Variants in PNPLA1 observed in about 807,000 individuals in gnomAD.
The protein encoded by PNPLA1 is omega-hydroxyceramide transacylase.
Under a neutral mutation model 51.7 loss-of-function variants are expected in PNPLA1, and 36 were observed. That is an observed-to-expected ratio of 0.70 (90% CI 0.53 to 0.92). The LOEUF (loss-of-function observed/expected upper bound fraction) is 0.92, where lower values mean the gene tolerates loss of function less well. Among genes scored for constraint, PNPLA1 ranks in the 40% least tolerant of loss-of-function variants. PNPLA1 has a pLI of 0.00. For missense variants in PNPLA1, 658 were observed against 682.5 expected, an observed-to-expected ratio of 0.96 and a Z score of 0.40; for synonymous variants, 293 against 280.1, an observed-to-expected ratio of 1.05 and a Z score of -0.46.
chr6:36,259,448 G>A (rs375238831), intron 1 of PNPLA1, among the ~76,000 whole-genome samples: 2 of 152,176 alleles, frequency 1.3e-5, no homozygotes, highest in East Asian at 3.9e-4. Flanking sequence ...AGACTATTTT[G>A]AAAAAGAAAG....
intron 1 of PNPLA1, among the ~76,000 whole-genome samples, chr6:36,250,036 A>C (rs1263761911): frequency 6.6e-6 from 1 of 152,198 alleles, no homozygotes; most frequent in Non-Finnish European, 1.5e-5. Flanking sequence ...TTTATTAAGC[A>C]CATACTCCTC....
intron 8 of PNPLA1, among the ~76,000 whole-genome samples, chr6:36,310,725 T>C (rs1561876206): frequency 6.6e-6 from 1 of 152,220 alleles, no homozygotes; most frequent in Non-Finnish European, 1.5e-5. Flanking sequence ...AACTTAGTGA[T>C]ACAGCCTACG....
intron 8 of PNPLA1, among the ~76,000 whole-genome samples, chr6:36,309,183 A>G (rs1008528362): frequency 1.3e-5 from 2 of 152,144 alleles, no homozygotes; most frequent in Non-Finnish European, 2.9e-5. Flanking sequence ...GGGAAGCAGT[A>G]TGGTAGCGGA....
intron 6 of PNPLA1, among the ~76,000 whole-genome samples, chr6:36,305,377 C>A (rs376177420): frequency 2.0e-5 from 3 of 152,002 alleles, no homozygotes; most frequent in African/African-American, 7.3e-5. Flanking sequence ...TTGTTAAAAG[C>A]CCTAGGAATA....
Position 36,306,429 on chromosome 6 carries a change from C to G in PNPLA1, c.1469+53C>G, listed in dbSNP as rs140803733. 121 of 1,491,678 alleles carry G rather than the reference C, an allele frequency of 8.1e-5. No homozygotes were observed. The African/African-American group carries it at 1.5e-3, about 19-fold the overall frequency. The allele number at this position is 1,491,678 out of a possible 1,614,324, so 92.4% of individuals were successfully genotyped here. On this transcript the variant is annotated intron_variant, in intron 7 of 8. Coordinates refer to ENST00000636260, the MANE Select transcript of PNPLA1 (RefSeq NM_001374623.1). ...CTTTCCTTTGGACGGAAGAAGCAAG[C>G]CCGGCTAAGCGATATCTTCCACCAC...
chr6:36,291,844 T>C (rs1770695159), intron 2 of PNPLA1, among the ~76,000 whole-genome samples: 1 of 152,158 alleles, frequency 6.6e-6, no homozygotes, highest in Non-Finnish European at 1.5e-5. Context: ...AGGTGTGACT[T>C]GCAGAGGGCC....
intron 1 of PNPLA1, 145 bp downstream of exon 1, chr6:36,270,809 G>T: frequency 1.0e-6 from 1 of 985,764 alleles, no homozygotes; most frequent in Non-Finnish European, 1.5e-6. Context: ...GTTGGAGTAG[G>T]ATAGCGGCAG....
intron 1 of PNPLA1, among the ~76,000 whole-genome samples, chr6:36,258,556 G>A (rs1769580467): frequency 6.6e-6 from 1 of 152,146 alleles, no homozygotes; most frequent in Non-Finnish European, 1.5e-5. Flanking sequence ...TCCTATGGGA[G>A]GTACTCAGCC....
Position 36,313,498 on chromosome 6 carries a change from G to C in PNPLA1, c.*1612G>C, listed in dbSNP as rs909583373. On this transcript the variant is annotated 3_prime_UTR_variant, in exon 9 of 9. Transcript: ENST00000636260. ...CCATATGCAAATTTAAGCCTGGTGGGGCTGGGGATTTAGAGGGTTGGGGCT... is the reference window on the plus strand; with the variant it reads ...CCATATGCAAATTTAAGCCTGGTGGCGCTGGGGATTTAGAGGGTTGGGGCT... Among the ~76,000 whole-genome samples the C allele has an allele frequency of 2.6e-5, 4 of 152,164 alleles. No homozygotes were observed. The highest frequency in any genetic ancestry group is 9.7e-5 in the African/African-American group (4 of 41,426).
intron 8 of PNPLA1, 48 bp downstream of exon 8, chr6:36,307,760 G>A: frequency 6.2e-7 from 1 of 1,607,266 alleles, no homozygotes; most frequent in Non-Finnish European, 8.5e-7. Flanking sequence ...GAGCAGCTTT[G>A]GGAACTGTGT....
intron 1 of PNPLA1, among the ~76,000 whole-genome samples, chr6:36,260,598 T>C (rs906646252): frequency 2.4e-4 from 37 of 152,188 alleles, no homozygotes; most frequent in Admixed American, 2.1e-3. Context: ...CAGTCTCTTG[T>C]GTCTCATTCA....
At chr6:36,303,079 A>G (rs1771117756) in intron 6 of PNPLA1, among the ~76,000 whole-genome samples, 1 of 152,126 alleles carries the variant, frequency 6.6e-6, no homozygotes, top group Non-Finnish European at 1.5e-5. Context: ...CAAAATTACT[A>G]GTTTGTTATA....
chr6:36,272,350 G>T (rs1275499212), intron 1 of PNPLA1, among the ~76,000 whole-genome samples: 6 of 152,264 alleles, frequency 3.9e-5, no homozygotes, highest in Middle Eastern at 6.8e-3. Flanking sequence ...CCACTGATCT[G>T]ACAGGACGCG....
intron 1 of PNPLA1, among the ~76,000 whole-genome samples, chr6:36,284,555 TCATCCATCCATCCATCCATC>T (rs66750925): frequency 2.4e-4 from 36 of 148,424 alleles, no homozygotes; most frequent in African/African-American, 8.0e-4. Flanking sequence ...ATCCATCCAC[TCATCCATCCATCCATCCATC>T]CATCCATCCA....
At chr6:36,258,252 T>G (rs1769572185) in intron 1 of PNPLA1, among the ~76,000 whole-genome samples, 1 of 152,198 alleles carries the variant, frequency 6.6e-6, no homozygotes, top group Non-Finnish European at 1.5e-5. Flanking sequence ...ATTTATGGCT[T>G]CTTCTCCTTT....
At chr6:36,297,133 A>T (rs1459515676) in intron 5 of PNPLA1, among the ~76,000 whole-genome samples, 4 of 152,180 alleles carry the variant, frequency 2.6e-5, no homozygotes. Flanking sequence ...GAGCCAGTAT[A>T]TGGATGGGGG....
At chr6:36,266,672 C>T (rs768081078), upstream of PNPLA1, among the ~76,000 whole-genome samples, 4 of 152,134 alleles carry the variant, frequency 2.6e-5, no homozygotes, top group East Asian at 1.9e-4. Context: ...GTAAGTGGGC[C>T]GCAGATGGCT....
At chr6:36,301,526 C>A (rs759783858) in intron 5 of PNPLA1, among the ~76,000 whole-genome samples, 14 of 152,112 alleles carry the variant, frequency 9.2e-5, no homozygotes, top group Non-Finnish European at 1.8e-4. Context: ...CACCACCCCG[C>A]CCTGACCATC....
In PNPLA1 at chr6:36,307,588, G is replaced by A; in HGVS notation, c.1471G>A (p.Glu491Lys). 6.2e-7 allele frequency: 1 copy of A among 1,613,324 alleles called. No homozygotes were observed. The highest frequency in any genetic ancestry group is 1.1e-5 in the South Asian group (1 of 91,028). ...CATCTACTTAATCTCTTTGCCTAGG[G>A]AGAGCCCTGCTGAAGACTCAAACTG... ...KETVSKPYVT[E>K]SPAEDSNWVN... The change falls in exon 8 of 9, where the codon GAG becomes AAG. Residue 491 changes from glutamate to lysine, a missense_variant and splice_region_variant. Coordinates refer to ENST00000636260, the MANE Select transcript of PNPLA1 (RefSeq NM_001374623.1).
Sources: allele counts gnomAD v4.1 joint callset (sites outside exome capture counted in the v4.1 genomes callset), GRCh38; gene constraint gnomAD v4.1.1; transcripts MANE v1.5; gene names NCBI Gene and HGNC (gene_info 2026-07-23, HGNC 2026-07-21).